Variants in DDC observed in about 807,000 individuals in gnomAD.
The protein encoded by DDC is dopa decarboxylase, also known as aromatic-L-amino-acid decarboxylase.
A neutral mutation model predicts 60.0 loss-of-function variants in DDC; 43 were observed. The ratio of observed to expected loss-of-function variants is 0.72; its 90% CI spans 0.56 to 0.92. The LOEUF is 0.92. Ranked by LOEUF, DDC falls within the 40% of genes least tolerant of loss-of-function variation. DDC has a pLI of 0.00. For synonymous variants in DDC, 232 were observed against 234.6 expected, an observed-to-expected ratio of 0.99 and a Z score of 0.10; for missense variants, 573 against 620.2, an observed-to-expected ratio of 0.92 and a Z score of 0.81.
At chr7:50,533,995 C>G (rs955180317) in intron 4 of DDC, among the ~76,000 whole-genome samples, 1 of 152,224 alleles carries the variant, frequency 6.6e-6, no homozygotes, top group African/African-American at 2.4e-5. Context: ...CCCTGAGAAG[C>G]TGGAGCAGCT....
chr7:50,470,952 G>A (rs2042515870), intron 11 of DDC, among the ~76,000 whole-genome samples: 1 of 152,192 alleles, frequency 6.6e-6, no homozygotes, highest in African/African-American at 2.4e-5. Flanking sequence ...GGAGAGCTGA[G>A]CCAGCTCCCT....
chr7:50,462,226 C>CAAAAAAAAAAA (rs11410259), intron 14 of DDC, among the ~76,000 whole-genome samples: 830 of 75,136 alleles, frequency 0.011, no homozygotes, highest in Middle Eastern at 0.028. Context: ...GACAAAAAGA[C>CAAAAAAAAAAA]AAAAAAAAAA....
chr7:50,522,843 C>T (rs988026285), intron 6 of DDC, among the ~76,000 whole-genome samples: 11 of 152,086 alleles, frequency 7.2e-5, no homozygotes, highest in South Asian at 2.1e-4. Context: ...GGGGGGCCTC[C>T]GGAAACTTAC....
chr7:50,502,701 C>A (rs2043289458), intron 7 of DDC, among the ~76,000 whole-genome samples: 1 of 152,258 alleles, frequency 6.6e-6, no homozygotes, highest in Non-Finnish European at 1.5e-5. Flanking sequence ...GCGGGTAAGT[C>A]TATGCCACCC....
At chr7:50,481,337 A>T (rs541301087) in intron 9 of DDC, among the ~76,000 whole-genome samples, 14 of 152,328 alleles carry the variant, frequency 9.2e-5, no homozygotes, top group African/African-American at 3.4e-4. Flanking sequence ...TTCTTGCATC[A>T]TAGGCATTTT....
At chr7:50,511,083 AC>A (rs1350340369) in intron 6 of DDC, among the ~76,000 whole-genome samples, 50 of 149,586 alleles carry the variant, frequency 3.3e-4, no homozygotes, top group African/African-American at 8.6e-4. Context: ...ACACACACAC[AC>A]AAAATAATAT....
intron 1 of DDC, among the ~76,000 whole-genome samples, chr7:50,558,363 G>T (rs556307424): frequency 1.3e-4 from 20 of 152,230 alleles, no homozygotes; most frequent in African/African-American, 4.8e-4. Flanking sequence ...GAGCCAATTT[G>T]GTGGTAAATA....
At chr7:50,515,836 G>A (rs7776816) in intron 6 of DDC, among the ~76,000 whole-genome samples, 33,470 of 152,048 alleles carry the variant, frequency 0.22, 3,837 homozygotes, top group East Asian at 0.4. Context: ...AAAGAGGGAC[G>A]TTATATAATG....
chr7:50,476,688 G>A (rs376564036), intron 10 of DDC, 45 bp from the exon 11 acceptor site: 31 of 1,569,298 alleles, frequency 2.0e-5, no homozygotes, highest in African/African-American at 2.7e-5. Flanking sequence ...CGTTAGACAG[G>A]TTTGTTGATC....
intron 1 of DDC, among the ~76,000 whole-genome samples, chr7:50,548,321 A>G (rs2044873065): frequency 6.6e-6 from 1 of 152,270 alleles, no homozygotes; most frequent in East Asian, 1.9e-4. Flanking sequence ...TGAGTGAGGA[A>G]GGCATGTCAA....
intron 4 of DDC, 58 bp from the exon 5 acceptor site, chr7:50,529,400 A>C: frequency 1.3e-6 from 2 of 1,585,790 alleles, no homozygotes; most frequent in Non-Finnish European, 1.7e-6. Context: ...ATTGGTACCT[A>C]CACTATTGGA....
At chr7:50,477,448 C>G (rs953347419) in intron 10 of DDC, 1 of 444,330 alleles carries the variant, frequency 2.3e-6, no homozygotes, top group Admixed American at 2.5e-5. Flanking sequence ...CATCAGTGTC[C>G]CCTACTTCCG....
intron 2 of DDC, chr7:50,542,803 G>A (rs2044677034): frequency 6.6e-6 from 1 of 152,260 alleles, no homozygotes; most frequent in Non-Finnish European, 1.5e-5. Context: ...AGAATCCCCT[G>A]GAAGAAGAAA....
At chr7:50,528,907 ATCTAG>A (rs2044116869) in intron 5 of DDC, among the ~76,000 whole-genome samples, 1 of 152,134 alleles carries the variant, frequency 6.6e-6, no homozygotes, top group African/African-American at 2.4e-5. Flanking sequence ...TGATCCCCAT[ATCTAG>A]TTTCTCTGCA....
At chr7:50,498,772 A>C (rs1018346311) in intron 8 of DDC, among the ~76,000 whole-genome samples, 8 of 152,264 alleles carry the variant, frequency 5.3e-5, no homozygotes, top group African/African-American at 1.4e-4. Flanking sequence ...TATGGGCAGA[A>C]CATGACTGTC....
intron 9 of DDC, among the ~76,000 whole-genome samples, chr7:50,491,786 G>A (rs998122609): frequency 2.0e-5 from 3 of 152,070 alleles, no homozygotes; most frequent in Non-Finnish European, 4.4e-5. Flanking sequence ...CTCACAACAC[G>A]TGGATTCAGT....
chr7:50,509,156 G>A (rs1196040763), intron 6 of DDC, among the ~76,000 whole-genome samples: 1 of 151,632 alleles, frequency 6.6e-6, no homozygotes, highest in Admixed American at 6.6e-5. Flanking sequence ...ACCATGGCTC[G>A]CCACACACCT....
intron 8 of DDC, among the ~76,000 whole-genome samples, 164 bp downstream of exon 8, chr7:50,498,984 G>C (rs894365851): frequency 9.2e-5 from 14 of 152,194 alleles, no homozygotes; most frequent in African/African-American, 3.4e-4. Context: ...TATGGCTGGG[G>C]AAGGCTCTCA....
At chr7:50,525,883 T>C (rs2153544995) in intron 6 of DDC, among the ~76,000 whole-genome samples, 1 of 151,428 alleles carries the variant, frequency 6.6e-6, no homozygotes, top group East Asian at 1.9e-4. Flanking sequence ...AATAAGTTGA[T>C]GAAGCATGGA....
Sources: allele counts gnomAD v4.1 joint callset (sites outside exome capture counted in the v4.1 genomes callset), GRCh38; gene constraint gnomAD v4.1.1; transcripts MANE v1.5; gene names NCBI Gene and HGNC (gene_info 2026-07-23, HGNC 2026-07-21).